The following FAM13B variants were observed in gnomAD, a reference collection of about 807,000 sequenced individuals.
The protein encoded by FAM13B is protein FAM13B.
Under a neutral mutation model 117.3 loss-of-function variants are expected in FAM13B, and 60 were observed. The observed-to-expected ratio is 0.51, with a 90% CI of 0.42 to 0.63. The LOEUF is 0.63. FAM13B is among the 30% of genes least tolerant of loss of function. The probability of loss-of-function intolerance (pLI) is 0.00; values close to 1 mark genes in which losing one functional copy is unlikely to be tolerated. For synonymous variants in FAM13B, 332 were observed against 356.1 expected (o/e 0.93, Z 0.76); for missense variants, 972 against 1,091.9 (o/e 0.89, Z 1.55).
intron 16 of FAM13B, 122 bp downstream of exon 16, chr5:137,953,214 T>C: frequency 9.5e-7 from 1 of 1,048,666 alleles, no homozygotes; most frequent in Non-Finnish European, 1.4e-6. Context: ...ATGATCACTG[T>C]TCCTCCGGGT....
Position 137,988,323 on chromosome 5 carries a change from C to A in FAM13B, c.849-8G>T. Reference sequence around the variant, plus strand: ...ATGGGAGATATATGGGTGCTGCAATCAAAGAAAGAAATTAGCTATAAAAAT... The same window carrying A: ...ATGGGAGATATATGGGTGCTGCAATAAAAGAAAGAAATTAGCTATAAAAAT... On this transcript the variant is annotated splice_region_variant and splice_polypyrimidine_tract_variant and intron_variant, in intron 7 of 23. Coordinates refer to ENST00000689681, the MANE Select transcript of FAM13B (RefSeq NM_001385994.1). 1 of 1,555,588 alleles carries A rather than the reference C, an allele frequency of 6.4e-7. No individual in the cohort carries two copies. The highest frequency in any genetic ancestry group is 1.2e-5 in the South Asian group (1 of 80,740).
chr5:138,039,004 G>T (rs915705390), intron 1 of FAM13B, among the ~76,000 whole-genome samples: 2 of 152,198 alleles, frequency 1.3e-5, no homozygotes, highest in Admixed American at 6.5e-5. Context: ...GTCACATCCA[G>T]TTTGGAGAGC....
At chr5:138,019,452 T>G (rs745386618) in intron 2 of FAM13B, among the ~76,000 whole-genome samples, 12 of 152,186 alleles carry the variant, frequency 7.9e-5, no homozygotes, top group Non-Finnish European at 1.8e-4. Context: ...AGGAGCAAAT[T>G]TGGCTCCAAG....
chr5:138,046,783 G>C (rs1286187614), intron 1 of FAM13B, among the ~76,000 whole-genome samples: 1 of 151,948 alleles, frequency 6.6e-6, no homozygotes, highest in Non-Finnish European at 1.5e-5. Context: ...GTCCCACTCT[G>C]TCACCCAGGC....
chr5:138,011,965 GGTT>G lies in FAM13B; in HGVS notation c.371-23_371-21del, dbSNP rs1561528693. ...TATAATCTATAAAACAATAATAACA[GGTT>G]TTTTTCAATAAAGGAAAAAGCAAAG... On this transcript the variant is annotated intron_variant, in intron 4 of 23. Transcript: ENST00000689681. 6.6e-7 allele frequency: 1 copy of G among 1,521,044 alleles called. No homozygotes were observed. The highest frequency in any genetic ancestry group is 2.4e-5 in the East Asian group (1 of 42,252). 94.2% of individuals were successfully genotyped at this position (1,521,044 alleles called of 1,614,324 possible).
At chr5:138,013,128 G>C (rs1360305474) in intron 4 of FAM13B, among the ~76,000 whole-genome samples, 2 of 152,024 alleles carry the variant, frequency 1.3e-5, no homozygotes, top group South Asian at 2.1e-4. Context: ...GCTTGAGCCT[G>C]GGAGGCAGTG....
intron 1 of FAM13B, among the ~76,000 whole-genome samples, chr5:138,046,858 G>C (rs1791654174): frequency 6.6e-6 from 1 of 151,936 alleles, no homozygotes; most frequent in African/African-American, 2.4e-5. Context: ...GGAATTCTCT[G>C]CCTCAGCCTC....
chr5:138,033,338 G>A (rs111265299), upstream of FAM13B, among the ~76,000 whole-genome samples: 14 of 152,252 alleles, frequency 9.2e-5, no homozygotes, highest in Non-Finnish European at 1.6e-4. Context: ...CTGGGGAGAG[G>A]AAAGATAAAG....
At chr5:137,956,767 A>G (rs558247769) in intron 13 of FAM13B, among the ~76,000 whole-genome samples, 1 of 143,718 alleles carries the variant, frequency 7.0e-6, no homozygotes, top group African/African-American at 2.6e-5. Flanking sequence ...AGGGGGGGGA[A>G]AACTCAAAGT....
intron 1 of FAM13B, among the ~76,000 whole-genome samples, chr5:138,022,961 G>A (rs895789387): frequency 1.3e-5 from 2 of 151,750 alleles, no homozygotes; most frequent in Non-Finnish European, 2.9e-5. Context: ...CCAAATTGCT[G>A]GGCCTACATG....
chr5:138,028,112 T>A (rs1326304269), intron 1 of FAM13B, among the ~76,000 whole-genome samples: 1 of 152,220 alleles, frequency 6.6e-6, no homozygotes, highest in African/African-American at 2.4e-5. Flanking sequence ...ATTAAGTAAT[T>A]TATCAGATAC....
chr5:138,019,461 A>G (rs1786088236), intron 2 of FAM13B, among the ~76,000 whole-genome samples: 2 of 152,230 alleles, frequency 1.3e-5, no homozygotes, highest in African/African-American at 4.8e-5. Context: ...TTTGGCTCCA[A>G]GAAAACCTTT....
rs11393727 is a variant in FAM13B, at chr5:138,013,517, A to AT, written c.371-1573dup. On this transcript the variant is annotated intron_variant, in intron 4 of 23. Coordinates refer to ENST00000689681, the MANE Select transcript of FAM13B (RefSeq NM_001385994.1). Reference sequence around the variant, plus strand: ...CTCCATCTCCAAAAAAAAAAAAAAAATTTTAAGTTTATCAGGAAAGGCTAC... The same window carrying AT: ...CTCCATCTCCAAAAAAAAAAAAAAAATTTTTAAGTTTATCAGGAAAGGCTAC... Among the ~76,000 whole-genome samples, 9 of 151,712 alleles carry AT rather than the reference A, an allele frequency of 5.9e-5. No homozygotes were observed. The South Asian group carries it at 1.5e-3, about 25-fold the overall frequency.
chr5:138,019,197 A>G (rs1408249858), intron 2 of FAM13B, 51 bp from the exon 3 acceptor site: 6 of 1,491,008 alleles, frequency 4.0e-6, no homozygotes, highest in African/African-American at 2.8e-5. Flanking sequence ...ACAGGTGGCA[A>G]TATGACTAGA....
chr5:137,987,268 T>C (rs780842731), intron 9 of FAM13B, among the ~76,000 whole-genome samples, 193 bp downstream of exon 9: 12 of 151,816 alleles, frequency 7.9e-5, no homozygotes, highest in Non-Finnish European at 1.5e-4. Flanking sequence ...ATAAAACATA[T>C]ATTATGAAAA....
At chr5:138,007,191 C>T (rs1038641199) in intron 6 of FAM13B, 44 bp from the exon 7 acceptor site, 14 of 1,409,056 alleles carry the variant, frequency 9.9e-6, no homozygotes, top group African/African-American at 2.9e-5. Flanking sequence ...GTAATGAAAC[C>T]GTTAACACAT....
Position 137,949,032 on chromosome 5 carries a change from T to C in FAM13B, c.2083A>G (p.Lys695Glu), listed in dbSNP as rs775975079. 1.2e-6 allele frequency: 2 copies of C among 1,613,988 alleles called. No individual in the cohort carries two copies. The highest frequency in any genetic ancestry group is 1.7e-6 in the Non-Finnish European group (2 of 1,180,022). Residue 695 changes from lysine to glutamate, a missense_variant, in exon 18 of 24, where the codon AAA (lysine) becomes GAA (glutamate). Transcript: ENST00000689681. ...AGAATAAGTTCAAGGGTTGCTTCTT[T>C]AGATGGTTTTTTCTCCTTCTGAATG... is the stretch of plus-strand genomic sequence containing the variant. ...KVIQKEKKPS[K>E]EATLELILKR...
intron 10 of FAM13B, among the ~76,000 whole-genome samples, chr5:137,967,680 G>C (rs1770487973): frequency 6.6e-6 from 1 of 151,950 alleles, no homozygotes; most frequent in Non-Finnish European, 1.5e-5. Flanking sequence ...ATTGCTTGAA[G>C]CCAGGAGTTC....
intron 10 of FAM13B, among the ~76,000 whole-genome samples, chr5:137,981,265 G>A (rs948120863): frequency 1.8e-4 from 27 of 151,758 alleles, no homozygotes; most frequent in African/African-American, 6.3e-4. Flanking sequence ...AATAGTGGGA[G>A]ACAGACAATA....
Sources: allele counts gnomAD v4.1 joint callset (sites outside exome capture counted in the v4.1 genomes callset), GRCh38; gene constraint gnomAD v4.1.1; transcripts MANE v1.5; gene names NCBI Gene and HGNC (gene_info 2026-07-23, HGNC 2026-07-21).